The following INSC variants were observed in gnomAD, a reference collection of about 807,000 sequenced individuals.
INSC encodes the protein protein inscuteable homolog.
INSC carries 67 observed loss-of-function variants against 58.6 expected under a neutral mutation model. That is an observed-to-expected ratio of 1.14 (90% confidence interval 0.94 to 1.40). The LOEUF (loss-of-function observed/expected upper bound fraction) is 1.40, where lower values mean the gene tolerates loss of function less well. Among genes scored for constraint, INSC ranks in the 40% most tolerant of loss-of-function variants. INSC has a pLI of 0.00. For missense variants in INSC, 714 were observed against 692.0 expected (o/e 1.03, Z -0.36); for synonymous variants, 262 against 276.1 (o/e 0.95, Z 0.51).
chr11:15,241,965 A>G (rs968214118), intron 12 of INSC, among the ~76,000 whole-genome samples: 1 of 152,228 alleles, frequency 6.6e-6, no homozygotes, highest in Non-Finnish European at 1.5e-5. Flanking sequence ...GAAATCACAA[A>G]TCACAGGGTT....
intron 9 of INSC, among the ~76,000 whole-genome samples, chr11:15,231,518 G>A (rs1042725420): frequency 1.3e-5 from 2 of 152,244 alleles, no homozygotes; most frequent in African/African-American, 4.8e-5. Context: ...GGTTGGACAA[G>A]CTTGCTAGAG....
chr11:15,196,762 T>G (rs1320547908), intron 6 of INSC, among the ~76,000 whole-genome samples: 1 of 152,176 alleles, frequency 6.6e-6, no homozygotes, highest in Non-Finnish European at 1.5e-5. Context: ...TTTATACAAA[T>G]AACATATTTT....
intron 9 of INSC, among the ~76,000 whole-genome samples, chr11:15,232,402 G>T (rs1851959541): frequency 6.6e-6 from 1 of 152,148 alleles, no homozygotes; most frequent in Admixed American, 6.5e-5. Context: ...TGCTCATACA[G>T]GACTTAAAAG....
intron 2 of INSC, among the ~76,000 whole-genome samples, chr11:15,160,069 C>T (rs1343050299): frequency 6.6e-6 from 1 of 152,094 alleles, no homozygotes. Context: ...GTAGGTAGGA[C>T]AAGACAGACA....
chr11:15,145,212 T>C (rs929821061), intron 1 of INSC, among the ~76,000 whole-genome samples: 2 of 152,238 alleles, frequency 1.3e-5, no homozygotes, highest in African/African-American at 2.4e-5. Context: ...CATTTAATCC[T>C]CATGATGCTC....
chr11:15,218,329 C>G (rs1370903832), intron 7 of INSC, among the ~76,000 whole-genome samples: 1 of 152,078 alleles, frequency 6.6e-6, no homozygotes, highest in Non-Finnish European at 1.5e-5. Context: ...TCTTGTAAAA[C>G]TAACAGTGGA....
intron 2 of INSC, among the ~76,000 whole-genome samples, chr11:15,162,097 G>A (rs561771013): frequency 2.3e-4 from 35 of 152,278 alleles, no homozygotes; most frequent in African/African-American, 7.9e-4. Context: ...TTATAGAGAA[G>A]TATATGGGCT....
In INSC at chr11:15,225,675, G is replaced by A; in HGVS notation, c.1017G>A (p.Gly339=). 6.2e-7 allele frequency: 1 copy of A among 1,614,178 alleles called. No individual in the cohort carries two copies. Among genetic ancestry groups the A allele is most frequent in the South Asian group, 1.1e-5 (1 of 91,062 alleles). Residue 339 remains glycine, a synonymous_variant, in exon 9 of 13, where the codon GGG becomes GGA. Transcript: ENST00000379556. ...LVKLCQEASS[G]EVFLLASAAL... ...AACTGTGCCAAGAGGCCTCATCAGG[G>A]GAAGTCTTCCTACTGGCCTCTGCGG...
intron 7 of INSC, among the ~76,000 whole-genome samples, chr11:15,207,135 G>A (rs1430566736): frequency 1.3e-5 from 2 of 152,120 alleles, no homozygotes; most frequent in East Asian, 3.9e-4. Context: ...ATGAGGGGCT[G>A]GAGATGTTAG....
At chr11:15,188,150 A>C (rs1348332418) in intron 5 of INSC, 1 of 983,628 alleles carries the variant, frequency 1.0e-6, no homozygotes, top group East Asian at 1.1e-4. Flanking sequence ...CCTTGGCAAG[A>C]ATACAGGGCA....
At chr11:15,235,548 A>C in intron 9 of INSC, 54 bp from the exon 10 acceptor site, 1 of 1,366,318 alleles carries the variant, frequency 7.3e-7, no homozygotes, top group Non-Finnish European at 1.0e-6. Context: ...TGTAGGGAGG[A>C]CTATTAGGAT....
At chr11:15,261,552 A>T in the INSC span, among the ~76,000 whole-genome samples, 1 of 152,178 alleles carries the variant, frequency 6.6e-6, no homozygotes, top group Non-Finnish European at 1.5e-5. Flanking sequence ...ACAAAGTTAT[A>T]TTTACAAATG....
intron 7 of INSC, among the ~76,000 whole-genome samples, chr11:15,204,907 A>G (rs776251034): frequency 1.3e-5 from 2 of 152,214 alleles, no homozygotes; most frequent in Non-Finnish European, 2.9e-5. Flanking sequence ...TAAATCCTGC[A>G]CAGCCCCCAG....
rs1848337555 is a variant in INSC, at chr11:15,140,274, T to C, written c.-45-8856T>C. Among the ~76,000 whole-genome samples, 4 of 152,320 alleles carry C rather than the reference T, an allele frequency of 2.6e-5. No individual in the cohort carries two copies. In the South Asian group the frequency reaches 8.3e-4, roughly 32 times the overall value. The stretch of plus-strand genomic sequence containing the variant: ...TGTCCCATTCCAGAGCTGAGCTGAG[T>C]CTGAACAGGACTCATTAATTTCCCT... On this transcript the variant is annotated intron_variant, in intron 1 of 12. Transcript: ENST00000379556.
intron 7 of INSC, among the ~76,000 whole-genome samples, chr11:15,214,095 C>G (rs1057431573): frequency 1.3e-5 from 2 of 152,130 alleles, no homozygotes; most frequent in African/African-American, 2.4e-5. Flanking sequence ...AATGCTTTGC[C>G]CTTTCCCTTG....
At chr11:15,213,727 G>A (rs1404034665) in intron 7 of INSC, among the ~76,000 whole-genome samples, 2 of 152,068 alleles carry the variant, frequency 1.3e-5, no homozygotes, top group African/African-American at 4.8e-5. Context: ...TGCCAAACTG[G>A]TTGTATAATC....
chr11:15,153,520 G>A (rs1848716439), intron 2 of INSC, among the ~76,000 whole-genome samples: 1 of 152,218 alleles, frequency 6.6e-6, no homozygotes, highest in South Asian at 2.1e-4. Context: ...TGTGCAGACT[G>A]TAATTGTGAA....
intron 1 of INSC, among the ~76,000 whole-genome samples, chr11:15,129,204 C>G (rs1848069476): frequency 6.6e-6 from 1 of 152,176 alleles, no homozygotes; most frequent in Non-Finnish European, 1.5e-5. Flanking sequence ...AGGTTGCCCC[C>G]CATCTTCCCC....
intron 5 of INSC, among the ~76,000 whole-genome samples, chr11:15,179,808 G>C (rs974167643): frequency 6.6e-6 from 1 of 152,192 alleles, no homozygotes; most frequent in African/African-American, 2.4e-5. Context: ...GACCAAAATG[G>C]ACAAAAAAGT....
Sources: gnomAD v4.1 joint callset for allele counts (sites outside exome capture counted in the v4.1 genomes callset) on GRCh38, gnomAD v4.1.1 for gene constraint, MANE v1.5 for transcripts, NCBI Gene and HGNC (gene_info 2026-07-23, HGNC 2026-07-21) for gene names.